ZSWIM5: variants seen among roughly 807,000 people sequenced by gnomAD.
ZSWIM5 encodes zinc finger SWIM-type containing 5.
Under a neutral mutation model 119.6 loss-of-function variants are expected in ZSWIM5, and 55 were observed. That is an observed-to-expected ratio of 0.46 (90% CI 0.37 to 0.58). The LOEUF is 0.58. ZSWIM5 is among the 20% of genes least tolerant of loss of function. The probability of loss-of-function intolerance (pLI) is 0.00; values close to 1 mark genes in which losing one functional copy is unlikely to be tolerated. For synonymous variants in ZSWIM5, 537 were observed against 606.9 expected (o/e 0.88, Z 1.69); for missense variants, 1,193 against 1,512.8 (o/e 0.79, Z 3.51).
chr1:45,069,962 C>A, intron 2 of ZSWIM5: 2 of 670,008 alleles, frequency 3.0e-6, no homozygotes, highest in Admixed American at 2.2e-5. Context: ...CCACTGATTT[C>A]TTCTCAAATG....
intron 1 of ZSWIM5, among the ~76,000 whole-genome samples, chr1:45,141,688 A>T (rs1197874824): frequency 6.6e-6 from 1 of 152,214 alleles, no homozygotes; most frequent in African/African-American, 2.4e-5. Flanking sequence ...AAAAGTTTAA[A>T]CATGGAAAAT....
At chr1:45,065,589 T>C (rs181626292) in intron 2 of ZSWIM5, among the ~76,000 whole-genome samples, 261 of 152,292 alleles carry the variant, frequency 1.7e-3, no homozygotes, top group South Asian at 6.8e-3. Context: ...TTACTAACAG[T>C]ACAACTTCAC....
chr1:45,107,364 C>T (rs146487871), intron 1 of ZSWIM5, among the ~76,000 whole-genome samples: 3,120 of 151,996 alleles, frequency 0.021, 115 homozygotes, highest in African/African-American at 0.072. Flanking sequence ...TTAGGCTGGG[C>T]GTGGTGGCTC....
chr1:45,152,237 G>C (rs1645801070), intron 1 of ZSWIM5, among the ~76,000 whole-genome samples: 1 of 151,812 alleles, frequency 6.6e-6, no homozygotes, highest in African/African-American at 2.4e-5. Flanking sequence ...AGAAAGATCT[G>C]ACCAAAAAAA....
In ZSWIM5 at chr1:45,206,093, G is replaced by A. The variant is rs768385604; in HGVS notation, c.258C>T (p.Phe86=). 54 of 1,611,774 alleles carry A rather than the reference G, an allele frequency of 3.4e-5. No homozygotes were observed. The highest frequency in any genetic ancestry group is 4.6e-5 in the Non-Finnish European group (54 of 1,179,396). Residue 86 remains phenylalanine (F), a synonymous_variant, in exon 1 of 14, where the codon TTC becomes TTT. Transcript: ENST00000359600. Reference sequence around the variant, plus strand: ...GCTGCACGGGCTCCGGGATCCGCTCGAAGCGCTCCTCCACCCGTTCGTATG... The same window carrying A: ...GCTGCACGGGCTCCGGGATCCGCTCAAAGCGCTCCTCCACCCGTTCGTATG... The part of the protein sequence containing the change: ...KWAYERVEER[F]ERIPEPVQRR...
intron 1 of ZSWIM5, among the ~76,000 whole-genome samples, chr1:45,202,732 A>AT (rs1268013520): frequency 2.6e-5 from 4 of 151,946 alleles, no homozygotes; most frequent in Non-Finnish European, 5.9e-5. Context: ...AAAACTGTTA[A>AT]TTTTTTTTCC....
At chr1:45,118,396 T>G (rs1197804451) in intron 1 of ZSWIM5, among the ~76,000 whole-genome samples, 1 of 152,184 alleles carries the variant, frequency 6.6e-6, no homozygotes, top group African/African-American at 2.4e-5. Flanking sequence ...TTTAATCACT[T>G]ATTTTGATAC....
intron 1 of ZSWIM5, among the ~76,000 whole-genome samples, chr1:45,105,538 G>C (rs569503479): frequency 6.5e-4 from 98 of 150,570 alleles, no homozygotes; most frequent in African/African-American, 2.3e-3. Flanking sequence ...GGGATGAAGT[G>C]AGGAGCGCCT....
rs546348765 is a variant in ZSWIM5 at position 45,084,801 on chromosome 1, C to G, written c.952+3080G>C. ...TGAGCAGCTCCACCCCCTGAGAGCT[C>G]AGCTCCCACAGCTGCTTTCAAGGGC... On this transcript the variant is annotated intron_variant, in intron 2 of 13. Transcript: ENST00000359600. Among the ~76,000 whole-genome samples the G allele has an allele frequency of 3.1e-4, 47 of 152,358 alleles. No homozygotes were observed. In the South Asian group the frequency reaches 9.7e-3, roughly 32 times the overall value.
Position 45,024,575 on chromosome 1 carries a change from T to A in ZSWIM5, c.2450-3787A>T, listed in dbSNP as rs892670368. Among the ~76,000 whole-genome samples, 3 of 152,170 alleles carry A rather than the reference T, an allele frequency of 2.0e-5. No individual in the cohort carries two copies. The South Asian group carries it at 6.2e-4, about 32-fold the overall frequency. ...TTTTCTTTCATGATTGTGCTTTTGG[T>A]GTTGTATCTAAAAAGTCATTGTCAA... On this transcript the variant is annotated intron_variant, in intron 11 of 13. Coordinates refer to ENST00000359600, the MANE Select transcript of ZSWIM5 (RefSeq NM_020883.2).
chr1:45,137,879 C>T (rs561404156), intron 1 of ZSWIM5, among the ~76,000 whole-genome samples: 51 of 152,248 alleles, frequency 3.3e-4, no homozygotes, highest in African/African-American at 1.1e-3. Flanking sequence ...ATCCTGGCTG[C>T]TGTGTTGAGA....
At chr1:45,204,684 G>A (rs1285043202) in intron 1 of ZSWIM5, among the ~76,000 whole-genome samples, 1 of 151,902 alleles carries the variant, frequency 6.6e-6, no homozygotes, top group Non-Finnish European at 1.5e-5. Context: ...TTCTGTGCTT[G>A]TTTAATTCTA....
At chr1:45,116,094 A>G (rs928157237) in intron 1 of ZSWIM5, among the ~76,000 whole-genome samples, 14 of 150,790 alleles carry the variant, frequency 9.3e-5, no homozygotes, top group Admixed American at 8.6e-4. Context: ...GAGGGAGACC[A>G]TGGAGAGAGG....
In ZSWIM5 at chr1:45,038,946, C is replaced by T. The variant is rs761320641; in HGVS notation, c.1884G>A (p.Leu628=). ...GGCTGACCCCTGTACCTGACATCTC[C>T]AGATAGCCATCATCATTCAGGCGGC... ...EACRLNDDGY[L]EMSDMNESRP... The change falls in exon 8 of 14, where the codon CTG becomes CTA. Residue 628 remains leucine, a synonymous_variant. Coordinates refer to ENST00000359600, the MANE Select transcript of ZSWIM5 (RefSeq NM_020883.2). The T allele has an allele frequency of 1.3e-5, 21 of 1,613,520 alleles. No homozygotes were observed. In the East Asian group the frequency reaches 3.8e-4, roughly 29 times the overall value.
intron 1 of ZSWIM5, among the ~76,000 whole-genome samples, chr1:45,156,602 A>C (rs1486556005): frequency 1.3e-5 from 2 of 151,918 alleles, no homozygotes; most frequent in Non-Finnish European, 2.9e-5. Context: ...TCAGTCTTGG[A>C]CATGCTGAGT....
intron 1 of ZSWIM5, among the ~76,000 whole-genome samples, chr1:45,097,391 T>C (rs1645409808): frequency 6.6e-6 from 1 of 152,222 alleles, no homozygotes; most frequent in African/African-American, 2.4e-5. Context: ...AACTACTTGG[T>C]GCCCCAACTG....
chr1:45,163,920 C>A (rs1311988310), intron 1 of ZSWIM5, among the ~76,000 whole-genome samples: 1 of 152,210 alleles, frequency 6.6e-6, no homozygotes, highest in African/African-American at 2.4e-5. Flanking sequence ...AGGAGAACTT[C>A]CCCAACCTAG....
chr1:45,164,622 G>A (rs1312810557), intron 1 of ZSWIM5, among the ~76,000 whole-genome samples: 8 of 152,082 alleles, frequency 5.3e-5, no homozygotes, highest in Admixed American at 1.3e-4. Flanking sequence ...AGGGATGGAG[G>A]AAGATCTACC....
At position 45,072,222 on chromosome 1, in the gene ZSWIM5, G is replaced by A. The variant is rs78797011; in HGVS notation, c.953-11975C>T. On this transcript the variant is annotated intron_variant, in intron 2 of 13. Transcript: ENST00000359600. The surrounding 1 kb of genome is among the most constrained non-coding windows in gnomAD (Gnocchi z 4.1). ...TATACTCATTTGCCACTTGTATGTC[G>A]TCTTTTGAGAAATGTCTGTTCAGAT... Among the ~76,000 whole-genome samples, 1,452 of 151,898 alleles carry A rather than the reference G, an allele frequency of 9.6e-3. 51 individuals are homozygous for A. Among genetic ancestry groups the A allele is most frequent in the African/African-American group, 0.033 (1,358 of 41,236 alleles).
Sources: gnomAD v4.1 joint callset for allele counts (sites outside exome capture counted in the v4.1 genomes callset) on GRCh38, gnomAD v4.1.1 for gene constraint, Gnocchi (gnomAD v3.1) non-coding constraint, MANE v1.5 for transcripts, NCBI Gene and HGNC (gene_info 2026-07-23, HGNC 2026-07-21) for gene names.